MSRA: variants seen among roughly 807,000 people sequenced by gnomAD.
The protein encoded by MSRA is mitochondrial peptide methionine sulfoxide reductase.
A neutral mutation model predicts 31.3 loss-of-function variants in MSRA; 54 were observed. The ratio of observed to expected loss-of-function variants is 1.73; its 90% CI spans 1.39 to 2.17. MSRA has a LOEUF of 2.17. Among genes scored for constraint, MSRA ranks in the 30% most tolerant of loss-of-function variants. The pLI is 0.00. For synonymous variants in MSRA, 169 were observed against 116.5 expected, an observed-to-expected ratio of 1.45 and a Z score of -2.90; for missense variants, 507 against 300.9, an observed-to-expected ratio of 1.69 and a Z score of -5.07.
intron 2 of MSRA, among the ~76,000 whole-genome samples, chr8:10,210,897 C>CTT (rs373960775): frequency 6.9e-6 from 1 of 145,434 alleles, no homozygotes. Context: ...CCACGCTCAC[C>CTT]TTTTTTTTTT....
intron 1 of MSRA, among the ~76,000 whole-genome samples, chr8:10,146,711 T>A (rs10107485): frequency 0.61 from 92,017 of 151,100 alleles, 28,262 homozygotes; most frequent in Middle Eastern, 0.68. Flanking sequence ...GGTGTTATTT[T>A]AAAAAAAAAT....
At chr8:10,301,387 A>G (rs1800834911) in intron 3 of MSRA, 147 bp from the exon 4 acceptor site, 6 of 614,188 alleles carry the variant, frequency 9.8e-6, no homozygotes, top group Non-Finnish European at 1.7e-5. Flanking sequence ...CTTGAGAGAG[A>G]CTCTTAGCTA....
chr8:10,131,130 C>T (rs1038645547), intron 1 of MSRA, among the ~76,000 whole-genome samples: 6 of 152,160 alleles, frequency 3.9e-5, no homozygotes, highest in African/African-American at 1.2e-4. Flanking sequence ...AATGTTAGGG[C>T]ACTGATCATG....
rs115831533 is a variant in MSRA at position 10,063,771 on chromosome 8, G to C, written c.142+9113G>C. On this transcript the variant is annotated intron_variant, in intron 1 of 5. Coordinates refer to ENST00000317173, the MANE Select transcript of MSRA (RefSeq NM_012331.5). ...CTGAACCTGCTAGCGCTTTGATCTT[G>C]GACTTCCAGTCTCCAGTATTGTGAG... 7.6e-3 allele frequency among the ~76,000 whole-genome samples: 1,164 copies of C among 152,288 alleles called. 15 individuals are homozygous for C. The highest frequency in any genetic ancestry group is 0.025 in the African/African-American group (1,049 of 41,554).
At chr8:10,377,290 C>T (rs1196815291) in intron 5 of MSRA, among the ~76,000 whole-genome samples, 2 of 152,270 alleles carry the variant, frequency 1.3e-5, no homozygotes, top group African/African-American at 4.8e-5. Context: ...TGGAAGGTGG[C>T]CTGAAGCCCC....
intron 4 of MSRA, among the ~76,000 whole-genome samples, chr8:10,304,373 T>G (rs1383969735): frequency 6.6e-6 from 1 of 152,156 alleles, no homozygotes; most frequent in African/African-American, 2.4e-5. Context: ...AGCATACAGA[T>G]AAATGCGCAT....
chr8:10,062,280 G>A (rs1352249116), intron 1 of MSRA, among the ~76,000 whole-genome samples: 2 of 152,166 alleles, frequency 1.3e-5, no homozygotes, highest in African/African-American at 2.4e-5. Flanking sequence ...AGCTGACATC[G>A]GCAACCCTCT....
chr8:10,321,916 T>A (rs895339888), intron 5 of MSRA, among the ~76,000 whole-genome samples: 1 of 152,216 alleles, frequency 6.6e-6, no homozygotes, highest in Non-Finnish European at 1.5e-5. Flanking sequence ...CCACAGAAGC[T>A]GTGAGATAAT....
At chr8:10,217,778 A>G (rs1036840160) in intron 2 of MSRA, among the ~76,000 whole-genome samples, 2 of 152,198 alleles carry the variant, frequency 1.3e-5, no homozygotes, top group Non-Finnish European at 1.5e-5. Flanking sequence ...CTTTTTAAAT[A>G]TCATCAAATC....
At chr8:10,211,723 T>A (rs1443137831) in intron 2 of MSRA, among the ~76,000 whole-genome samples, 1 of 152,068 alleles carries the variant, frequency 6.6e-6, no homozygotes, top group Non-Finnish European at 1.5e-5. Flanking sequence ...TATGAGAACA[T>A]CTTTTGCCAC....
chr8:10,087,616 G>A (rs11988116), intron 1 of MSRA, among the ~76,000 whole-genome samples: 3,162 of 152,248 alleles, frequency 0.021, 89 homozygotes, highest in South Asian at 0.092. Flanking sequence ...TTTCTGTCCC[G>A]TGGGCTAGGT....
At chr8:10,179,065 C>G (rs896798232) in intron 1 of MSRA, among the ~76,000 whole-genome samples, 5 of 152,176 alleles carry the variant, frequency 3.3e-5, no homozygotes, top group African/African-American at 1.2e-4. Flanking sequence ...TTCTCACAAT[C>G]TCCCCCTTGG....
At chr8:10,074,077 TTTTTTTTTTTTTTTTTTTTTTA>T (rs1797873232) in intron 1 of MSRA, among the ~76,000 whole-genome samples, 1 of 111,072 alleles carries the variant, frequency 9.0e-6, no homozygotes, top group African/African-American at 3.9e-5. Context: ...TTTTTTTTTT[TTTTTTTTTTTTTTTTTTTTTTA>T]TTAAATGGAG....
At chr8:10,299,399 C>T (rs1383403074) in intron 3 of MSRA, among the ~76,000 whole-genome samples, 1 of 152,018 alleles carries the variant, frequency 6.6e-6, no homozygotes, top group African/African-American at 2.4e-5. Flanking sequence ...TCTACTAGAG[C>T]AAAAGTGGTT....
At chr8:10,089,250 A>C (rs1455602792) in intron 1 of MSRA, among the ~76,000 whole-genome samples, 1 of 152,224 alleles carries the variant, frequency 6.6e-6, no homozygotes, top group Non-Finnish European at 1.5e-5. Flanking sequence ...CACGTTGTCA[A>C]ACTCAAAAAT....
At chr8:10,260,408 G>A (rs902979663) in intron 3 of MSRA, among the ~76,000 whole-genome samples, 2 of 152,194 alleles carry the variant, frequency 1.3e-5, no homozygotes, top group Admixed American at 6.5e-5. Flanking sequence ...TTCCACAGAG[G>A]AGACAGAGGA....
intron 1 of MSRA, among the ~76,000 whole-genome samples, chr8:10,062,537 A>G (rs1193166366): frequency 1.3e-5 from 2 of 152,222 alleles, no homozygotes; most frequent in African/African-American, 4.8e-5. Context: ...ACTGTAGCAT[A>G]TAACCTGTTG....
chr8:10,416,689 C>T (rs560746747), intron 5 of MSRA, among the ~76,000 whole-genome samples: 27 of 152,356 alleles, frequency 1.8e-4, no homozygotes, highest in African/African-American at 6.5e-4. Flanking sequence ...GTTGACCACA[C>T]TTGCCTGCAA....
intron 1 of MSRA, among the ~76,000 whole-genome samples, chr8:10,177,915 C>G (rs910564785): frequency 6.6e-6 from 1 of 152,058 alleles, no homozygotes; most frequent in African/African-American, 2.4e-5. Flanking sequence ...CTCCTTGGTC[C>G]TAAGTTAAGA....
Sources: gnomAD v4.1 joint callset for allele counts (sites outside exome capture counted in the v4.1 genomes callset) on GRCh38, gnomAD v4.1.1 for gene constraint, MANE v1.5 for transcripts, NCBI Gene and HGNC (gene_info 2026-07-23, HGNC 2026-07-21) for gene names.